RCSD1: variants seen among roughly 807,000 people sequenced by gnomAD.
RCSD1 encodes the protein capZ-interacting protein.
A neutral mutation model predicts 42.5 loss-of-function variants in RCSD1; 26 were observed. The ratio of observed to expected loss-of-function variants is 0.61; its 90% CI spans 0.45 to 0.85. The LOEUF (loss-of-function observed/expected upper bound fraction) is 0.85. RCSD1 is among the 40% of genes least tolerant of loss of function. The probability of loss-of-function intolerance (pLI) is 0.00; values close to 1 mark genes in which losing one functional copy is unlikely to be tolerated. For missense variants in RCSD1, 571 were observed against 528.3 expected (o/e 1.08, Z -0.79); for synonymous variants, 220 against 212.2 (o/e 1.04, Z -0.32).
At chr1:167,630,825 A>G (rs1263120893) in intron 1 of RCSD1, among the ~76,000 whole-genome samples, 1 of 150,678 alleles carries the variant, frequency 6.6e-6, no homozygotes. Flanking sequence ...AAGCCCTTCA[A>G]TCTGAAGAGA....
At chr1:167,643,670 C>A (rs1470258697) in intron 1 of RCSD1, among the ~76,000 whole-genome samples, 3 of 152,148 alleles carry the variant, frequency 2.0e-5, no homozygotes, top group Admixed American at 2.0e-4. Context: ...TTTGACTTTG[C>A]CATTTACTAG....
intron 1 of RCSD1, among the ~76,000 whole-genome samples, chr1:167,682,668 A>AGTGTGTGTGTGTGTGTGT (rs10607777): frequency 1.4e-5 from 2 of 142,618 alleles, no homozygotes; most frequent in African/African-American, 5.2e-5. Context: ...GCCATGGAAG[A>AGTGTGTGTGTGTGTGTGT]GTGTGTGTGT....
At chr1:167,651,907 T>C (rs6659046) in intron 1 of RCSD1, among the ~76,000 whole-genome samples, 50,201 of 151,932 alleles carry the variant, frequency 0.33, 8,642 homozygotes, top group African/African-American at 0.39. Flanking sequence ...CCAGGTGTTT[T>C]TTCTCACCCA....
chr1:167,706,573 C>T lies in RCSD1; in HGVS notation c.*1877C>T, dbSNP rs1045458816. ...TGGAGGGTCTAAACATAGTAGCAGA[C>T]GAGAGAGGGGCAGTAAAAATGACAA... On this transcript the variant is annotated 3_prime_UTR_variant, in exon 7 of 7. Coordinates refer to ENST00000367854, the MANE Select transcript of RCSD1 (RefSeq NM_052862.4). Among the ~76,000 whole-genome samples the T allele has an allele frequency of 2.0e-5, 3 of 152,080 alleles. No individual in the cohort carries two copies. Among genetic ancestry groups the T allele is most frequent in the Non-Finnish European group, 4.4e-5 (3 of 68,026 alleles).
intron 3 of RCSD1, among the ~76,000 whole-genome samples, chr1:167,687,999 A>T (rs190672133): frequency 4.0e-4 from 61 of 152,248 alleles, no homozygotes; most frequent in Non-Finnish European, 8.4e-4. Context: ...ATACAGCTAT[A>T]TATATACATA....
intron 6 of RCSD1, 57 bp from the exon 7 acceptor site, chr1:167,704,607 G>T: frequency 6.9e-7 from 1 of 1,450,820 alleles, no homozygotes. Context: ...GAGGGATGCT[G>T]AGTGTCAGGA....
chr1:167,639,035 A>G (rs906696137), intron 1 of RCSD1, among the ~76,000 whole-genome samples: 14 of 152,182 alleles, frequency 9.2e-5, no homozygotes, highest in East Asian at 7.7e-4. Flanking sequence ...GGCTAACACG[A>G]TAAAACCCCA....
In RCSD1 at chr1:167,697,339, C is replaced by A. The variant is rs780489569; in HGVS notation, c.715C>A (p.Leu239Met). The stretch of plus-strand genomic sequence containing the variant: ...CCTGGGACCTGCTGAAAAGCCTCCT[C>A]TGAGGAGGTCACCCAGCAGGACAGA... ...RTLGPAEKPP[L>M]RRSPSRTEKQ... Residue 239 changes from leucine (L) to methionine (M), a missense_variant, in exon 6 of 7, where the codon CTG (leucine) becomes ATG (methionine). Transcript: ENST00000367854. The A allele has an allele frequency of 6.2e-7, 1 of 1,613,936 alleles. No homozygotes were observed. The highest frequency in any genetic ancestry group is 8.5e-7 in the Non-Finnish European group (1 of 1,179,988).
intron 1 of RCSD1, among the ~76,000 whole-genome samples, chr1:167,666,608 G>A (rs781014205): frequency 5.9e-5 from 9 of 152,108 alleles, no homozygotes; most frequent in South Asian, 2.1e-4. Context: ...AATGCTTTCC[G>A]TCAGCCCTGG....
intron 5 of RCSD1, 31 bp from the exon 6 acceptor site, chr1:167,697,068 T>C (rs773495414): frequency 8.8e-6 from 14 of 1,582,630 alleles, no homozygotes; most frequent in Non-Finnish European, 1.2e-5. Flanking sequence ...TTATGAGTTT[T>C]TGGATAACTT....
chr1:167,678,194 T>A (rs1161991644), intron 1 of RCSD1, among the ~76,000 whole-genome samples: 2 of 152,206 alleles, frequency 1.3e-5, no homozygotes, highest in African/African-American at 4.8e-5. Flanking sequence ...TCTGACTTTA[T>A]GCAGTCTCGT....
At chr1:167,668,146 G>T (rs935874651) in intron 1 of RCSD1, among the ~76,000 whole-genome samples, 1 of 152,022 alleles carries the variant, frequency 6.6e-6, no homozygotes, top group Non-Finnish European at 1.5e-5. Context: ...TAGCAAATTA[G>T]CTGAGTGTGG....
At chr1:167,637,223 A>G (rs1657882874) in intron 1 of RCSD1, among the ~76,000 whole-genome samples, 1 of 152,212 alleles carries the variant, frequency 6.6e-6, no homozygotes, top group Non-Finnish European at 1.5e-5. Context: ...GGTGCAAGAA[A>G]CAGCACGGTG....
At chr1:167,654,422 T>G (rs538863110) in intron 1 of RCSD1, among the ~76,000 whole-genome samples, 10 of 152,296 alleles carry the variant, frequency 6.6e-5, no homozygotes, top group African/African-American at 2.4e-4. Flanking sequence ...TCAGTACAAG[T>G]TTATCAAGGA....
At chr1:167,666,731 A>G (rs570201215) in intron 1 of RCSD1, among the ~76,000 whole-genome samples, 1 of 152,322 alleles carries the variant, frequency 6.6e-6, no homozygotes, top group African/African-American at 2.4e-5. Context: ...TGAACACCCA[A>G]CAGTCTTCCC....
intron 1 of RCSD1, chr1:167,633,591 T>C (rs994617320): frequency 6.6e-6 from 1 of 152,240 alleles, no homozygotes; most frequent in African/African-American, 2.4e-5. Flanking sequence ...TTTTTGTTCA[T>C]ACAAAATCTC....
intron 1 of RCSD1, among the ~76,000 whole-genome samples, chr1:167,632,389 A>T (rs1311810919): frequency 6.6e-6 from 1 of 152,202 alleles, no homozygotes; most frequent in African/African-American, 2.4e-5. Flanking sequence ...TGCAAGTGTC[A>T]ACTTTGTTCT....
intron 6 of RCSD1, among the ~76,000 whole-genome samples, chr1:167,701,251 A>ACTTT (rs1558096006): frequency 4.2e-5 from 5 of 117,756 alleles, no homozygotes; most frequent in African/African-American, 1.5e-4. Context: ...CCAATTGCCT[A>ACTTT]GTTTCTTTCT....
At chr1:167,667,813 A>G (rs59492933) in intron 1 of RCSD1, among the ~76,000 whole-genome samples, 2,617 of 152,234 alleles carry the variant, frequency 0.017, 78 homozygotes, top group African/African-American at 0.06. Flanking sequence ...ATATTTATCA[A>G]TCCCTCACAA....
Sources: allele counts gnomAD v4.1 joint callset (sites outside exome capture counted in the v4.1 genomes callset), GRCh38; gene constraint gnomAD v4.1.1; transcripts MANE v1.5; gene names NCBI Gene and HGNC (gene_info 2026-07-23, HGNC 2026-07-21).